MBD2: variants seen among roughly 807,000 people sequenced by gnomAD.
MBD2 encodes methyl-CpG-binding domain protein 2.
MBD2 carries 9 observed loss-of-function variants against 39.3 expected under a neutral mutation model. The observed-to-expected ratio is 0.23, with a 90% CI of 0.14 to 0.40. The LOEUF (loss-of-function observed/expected upper bound fraction) is 0.40. MBD2 is among the 10% of genes least tolerant of loss of function. MBD2 has a pLI of 1.00. For missense variants in MBD2, 458 were observed against 532.6 expected, an observed-to-expected ratio of 0.86 and a Z score of 1.38; for synonymous variants, 233 against 211.1, an observed-to-expected ratio of 1.10 and a Z score of -0.90.
chr18:54,162,600 TA>T (rs1328362855), intron 5 of MBD2, among the ~76,000 whole-genome samples: 1 of 152,200 alleles, frequency 6.6e-6, no homozygotes. Context: ...ATTCCTGTGA[TA>T]TAACTCAGAG....
chr18:54,197,372 T>C (rs1475301655), intron 2 of MBD2, among the ~76,000 whole-genome samples: 2 of 152,232 alleles, frequency 1.3e-5, no homozygotes, highest in Non-Finnish European at 2.9e-5. Flanking sequence ...CACCTAGTAC[T>C]ACTCCTCCAC....
In MBD2 at chr18:54,222,387, T is replaced by C. The variant is rs778809347; in HGVS notation, c.542+1631A>G. 2.9e-5 allele frequency: 15 copies of C among 517,332 alleles called. No homozygotes were observed. The Admixed American group carries it at 2.9e-4, about 10-fold the overall frequency. The allele number at this position is 517,332 out of a possible 1,614,324, so 32.0% of individuals were successfully genotyped here. ...GCTACCAAATCCTGGCCCCACAGCC[T>C]GAGGGAGGACCTGTGAAAGTGCTCA... On this transcript the variant is annotated intron_variant, in intron 1 of 6. Transcript: ENST00000256429.
intron 1 of MBD2, 40 bp downstream of exon 1, chr18:54,223,978 G>A: frequency 7.0e-7 from 1 of 1,420,626 alleles, no homozygotes. Flanking sequence ...CCTGACCCCG[G>A]CCTGACCCCG....
intron 5 of MBD2, 78 bp downstream of exon 5, chr18:54,164,445 C>A: frequency 7.8e-7 from 1 of 1,285,040 alleles, no homozygotes; most frequent in Non-Finnish European, 1.1e-6. Flanking sequence ...CTAGATATGC[C>A]ACTGAACCTA....
chr18:54,157,291 C>T (rs1336261309), intron 6 of MBD2, among the ~76,000 whole-genome samples: 1 of 151,108 alleles, frequency 6.6e-6, no homozygotes, highest in Non-Finnish European at 1.5e-5. Context: ...GACAGAGTCT[C>T]ACTCTATCAC....
intron 1 of MBD2, among the ~76,000 whole-genome samples, chr18:54,214,359 C>T (rs908652652): frequency 6.6e-6 from 1 of 152,066 alleles, no homozygotes; most frequent in Non-Finnish European, 1.5e-5. Flanking sequence ...ACATGCCCAG[C>T]TAATTTTTAA....
intron 5 of MBD2, among the ~76,000 whole-genome samples, chr18:54,161,833 A>G (rs1433074939): frequency 1.2e-4 from 18 of 151,946 alleles, no homozygotes; most frequent in Non-Finnish European, 2.9e-5. Context: ...ATGATGGGAT[A>G]TCTCTCCATG....
intron 1 of MBD2, among the ~76,000 whole-genome samples, chr18:54,214,354 C>G (rs1181448052): frequency 6.6e-6 from 1 of 152,004 alleles, no homozygotes; most frequent in Non-Finnish European, 1.5e-5. Flanking sequence ...GGCCAACATG[C>G]CCAGCTAATT....
At chr18:54,200,777 T>C (rs886334911) in intron 2 of MBD2, among the ~76,000 whole-genome samples, 1 of 152,110 alleles carries the variant, frequency 6.6e-6, no homozygotes, top group African/African-American at 2.4e-5. Flanking sequence ...TATTTAATTT[T>C]AAAGTAAAAC....
chr18:54,207,322 T>A (rs989488912), intron 1 of MBD2, among the ~76,000 whole-genome samples: 2 of 152,192 alleles, frequency 1.3e-5, no homozygotes, highest in African/African-American at 4.8e-5. Context: ...CAAGCCCAGC[T>A]AAAATATCCT....
intron 3 of MBD2, among the ~76,000 whole-genome samples, chr18:54,175,737 C>T (rs116388499): frequency 0.017 from 2,658 of 152,258 alleles, 79 homozygotes; most frequent in African/African-American, 0.061. Context: ...TATATGAACA[C>T]TGACCTTGCC....
At position 54,224,373 on chromosome 18, in the gene MBD2, G is replaced by GC. The variant is rs1568098372; in HGVS notation, c.186dup (p.Arg63AlafsTer123). The GC allele has an allele frequency of 1.7e-6, 2 of 1,203,826 alleles. No homozygotes were observed. The highest frequency in any genetic ancestry group is 3.1e-5 in the South Asian group (1 of 32,404). 74.6% of individuals were successfully genotyped at this position (1,203,826 alleles called of 1,614,324 possible). On this transcript the variant is annotated frameshift_variant, in exon 1 of 7. Coordinates refer to ENST00000256429, the MANE Select transcript of MBD2 (RefSeq NM_003927.5). LOFTEE classifies it high-confidence loss of function. ...CCGCCCCGGCCCGCCTGCTTCCACC[G>GC]CCCCCGGCCACGGCCGCCGCCCCGA...
chr18:54,172,547 A>C (rs1173483307), intron 3 of MBD2, among the ~76,000 whole-genome samples: 2 of 152,186 alleles, frequency 1.3e-5, no homozygotes, highest in African/African-American at 4.8e-5. Flanking sequence ...TCATGACCAC[A>C]CTGAAAAGCA....
intron 3 of MBD2, among the ~76,000 whole-genome samples, chr18:54,172,718 C>T (rs750536929): frequency 1.6e-4 from 25 of 152,174 alleles, no homozygotes; most frequent in Non-Finnish European, 3.2e-4. Flanking sequence ...ACCCTGAGGA[C>T]GGGAATATCT....
At chr18:54,207,193 C>T (rs1322612169) in intron 1 of MBD2, among the ~76,000 whole-genome samples, 1 of 152,168 alleles carries the variant, frequency 6.6e-6, no homozygotes, top group Non-Finnish European at 1.5e-5. Context: ...TGGTAGCCTA[C>T]ATTCCAAACT....
chr18:54,208,284 G>T (rs953436268), intron 1 of MBD2, among the ~76,000 whole-genome samples: 9 of 152,252 alleles, frequency 5.9e-5, no homozygotes, highest in Middle Eastern at 3.4e-3. Context: ...CCTGAGTTCG[G>T]GAGTTTGCGA....
chr18:54,204,639 A>C (rs942330379), intron 2 of MBD2, among the ~76,000 whole-genome samples: 4 of 152,196 alleles, frequency 2.6e-5, no homozygotes, highest in Non-Finnish European at 5.9e-5. Context: ...TCAATACGTA[A>C]TTATAAACTA....
chr18:54,168,125 T>C (rs2086149717), intron 3 of MBD2, among the ~76,000 whole-genome samples: 1 of 151,556 alleles, frequency 6.6e-6, no homozygotes, highest in South Asian at 2.1e-4. Flanking sequence ...TAGTCACTGA[T>C]TTGTAAAAAT....
At chr18:54,212,779 C>T (rs1253770500) in intron 1 of MBD2, among the ~76,000 whole-genome samples, 2 of 151,848 alleles carry the variant, frequency 1.3e-5, no homozygotes, top group Non-Finnish European at 2.9e-5. Context: ...CCTGTAATTC[C>T]AGTACTTTGG....
Sources: allele counts gnomAD v4.1 joint callset (sites outside exome capture counted in the v4.1 genomes callset), GRCh38; gene constraint gnomAD v4.1.1; transcripts MANE v1.5; gene names NCBI Gene and HGNC (gene_info 2026-07-23, HGNC 2026-07-21).